The following ESX1 variants were observed in gnomAD, a reference collection of about 807,000 sequenced individuals.
The protein encoded by ESX1 is ESX homeobox 1.
ESX1 carries 2 observed loss-of-function variants against 13.2 expected under a neutral mutation model. The observed-to-expected ratio is 0.15, with a 90% CI of 0.06 to 0.48. The LOEUF (loss-of-function observed/expected upper bound fraction) is 0.48, where lower values mean the gene tolerates loss of function less well. Among genes scored for constraint, ESX1 ranks in the 20% least tolerant of loss-of-function variants. The pLI is 0.97. For missense variants in ESX1, 307 were observed against 379.0 expected (o/e 0.81, Z 1.58); for synonymous variants, 157 against 163.1 (o/e 0.96, Z 0.29).
At chrX:104,254,072 G>T in intron 2 of ESX1, 82 bp downstream of exon 2, 2 of 1,097,167 alleles carry the variant, frequency 1.8e-6, no homozygotes, top group South Asian at 4.4e-5. Context: ...CGGAGGCAGC[G>T]CCCGTGAGCC....
rs370262145 is a variant in ESX1 at position 104,252,827 on chromosome X, C to G, written c.508G>C (p.Glu170Gln). ...AAATTCAGGCGTGCTGCAAGTCTCTCTCTTAGGGGAGAAAATTACAAATAT... is the reference window on the plus strand; with the variant it reads ...AAATTCAGGCGTGCTGCAAGTCTCTGTCTTAGGGGAGAAAATTACAAATAT... The part of the protein sequence containing the change: ...ESQYPDVVAR[E>Q]RLAARLNLTE... The change falls in exon 3 of 4, where the codon GAG (glutamate) becomes CAG (glutamine). Residue 170 changes from glutamate (E) to glutamine (Q), a missense_variant and splice_region_variant. Transcript: ENST00000372588. The G allele has an allele frequency of 1.2e-5, 15 of 1,204,599 alleles. No individual in the cohort carries two copies. Among genetic ancestry groups the G allele is most frequent in the African/African-American group, 1.8e-5 (1 of 57,092 alleles).
At chrX:104,250,960 CAT>C (rs1380148974) in intron 3 of ESX1, 64 bp from the exon 4 acceptor site, 17 of 979,749 alleles carry the variant, frequency 1.7e-5, no homozygotes, top group Non-Finnish European at 2.4e-5. Flanking sequence ...TAGAAAAAAA[CAT>C]AACATGGAAT....
intron 2 of ESX1, 41 bp downstream of exon 2, chrX:104,254,113 G>A: frequency 2.6e-6 from 3 of 1,164,820 alleles, no homozygotes; most frequent in South Asian, 2.0e-5. Flanking sequence ...CGGTGAAAGG[G>A]TCCCGGGATG....
In ESX1 at chrX:104,250,618, T is replaced by C. The variant is rs782668187; in HGVS notation, c.831A>G (p.Pro277=). 1.7e-6 allele frequency: 2 copies of C among 1,203,639 alleles called. No homozygotes were observed. Among genetic ancestry groups the C allele is most frequent in the Admixed American group, 2.2e-5 (1 of 45,664 alleles). Reference sequence around the variant, plus strand: ...GCACAGGCGCCATGCGTGAGCCGGGTGGCACAGGCGCCATGGGTGGCATAG... The same window carrying C: ...GCACAGGCGCCATGCGTGAGCCGGGCGGCACAGGCGCCATGGGTGGCATAG... ...IAPMPPMAPV[P]PGSRMAPVPP... Residue 277 remains proline, a synonymous_variant, in exon 4 of 4, where the codon CCA becomes CCG. Transcript: ENST00000372588.
intron 2 of ESX1, among the ~76,000 whole-genome samples, chrX:104,253,683 T>A (rs927394372): frequency 1.8e-5 from 2 of 110,305 alleles, no homozygotes; most frequent in African/African-American, 6.6e-5. Context: ...CTTCGTACAC[T>A]ACGGGTCGGT....
Position 104,254,389 on chromosome X carries a change from G to A in ESX1, c.271C>T (p.Leu91=), listed in dbSNP as rs782053177. ...TCCTGCTGTTGCTCCGGCTTGGTCA[G>A]GGGCGGCTCCTCCTGCTGTTGCTCC... is the stretch of plus-strand genomic sequence containing the variant. ...EPEQQQEEPP[L]TKPEQQQEEP... The change falls in exon 2 of 4, where the codon CTG becomes TTG. Residue 91 remains leucine, a synonymous_variant. Transcript: ENST00000372588. 1.7e-6 allele frequency: 2 copies of A among 1,211,633 alleles called. No individual in the cohort carries two copies.
chrX:104,252,977 T>G (rs782218141), intron 2 of ESX1, 149 bp from the exon 3 acceptor site: 1 of 459,106 alleles, frequency 2.2e-6, no homozygotes, highest in African/African-American at 2.5e-5. Flanking sequence ...GGTGAAACCC[T>G]GTCTCTACTA....
At chrX:104,254,680 C>T in intron 1 of ESX1, 88 bp downstream of exon 1, 2 of 1,140,102 alleles carry the variant, frequency 1.8e-6, no homozygotes, top group Non-Finnish European at 2.4e-6. Flanking sequence ...CTGCGACAGC[C>T]GCGCAGCGTC....
Position 104,254,271 on chromosome X carries a change from G to A in ESX1, c.389C>T (p.Ala130Val), listed in dbSNP as rs782465017. Residue 130 changes from alanine (A) to valine (V), a missense_variant, in exon 2 of 4, where the codon GCT becomes GTT. By Grantham distance (64) the Ala-to-Val change is moderately conservative (BLOSUM62 0). This residue lies in a region of ESX1 where 152 missense variants were observed against 114.5 expected (regional missense o/e 1.33). Coordinates refer to ENST00000372588, the MANE Select transcript of ESX1 (RefSeq NM_153448.4). Reference protein sequence around the residue: ...GPQPAEGPQTAEGPQPPERKR... With the variant: ...GPQPAEGPQTVEGPQPPERKR... ...CCTCTCTGGGGGCTGTGGTCCCTCAGCGGTTTGTGGCCCCTCCGCCGGCTG... is the reference window on the plus strand; with the variant it reads ...CCTCTCTGGGGGCTGTGGTCCCTCAACGGTTTGTGGCCCCTCCGCCGGCTG... 8.3e-7 allele frequency: 1 copy of A among 1,212,099 alleles called. No homozygotes were observed. The highest frequency in any genetic ancestry group is 1.1e-6 in the Non-Finnish European group (1 of 895,560).
intron 1 of ESX1, 60 bp downstream of exon 1, chrX:104,254,708 C>T: frequency 4.3e-6 from 5 of 1,162,528 alleles, no homozygotes; most frequent in Non-Finnish European, 5.9e-6. Context: ...CTTGCCTCTC[C>T]CAGGGAAAAA....
intron 2 of ESX1, among the ~76,000 whole-genome samples, 178 bp downstream of exon 2, chrX:104,253,975 AC>A (rs1186156678): frequency 8.9e-6 from 1 of 111,866 alleles, no homozygotes; most frequent in African/African-American, 3.2e-5. Context: ...GCGGGATCCC[AC>A]CCTGCCTCAC....
At position 104,254,291 on chromosome X, in the gene ESX1, C is replaced by T. The variant is rs781900026; in HGVS notation, c.369G>A (p.Pro123=). The change falls in exon 2 of 4, where the codon CCG becomes CCA. Residue 123 remains proline, a synonymous_variant. Transcript: ENST00000372588. ...PPQTTVEGPQ[P]AEGPQTAEGP... ...CCTCAGCGGTTTGTGGCCCCTCCGC[C>T]GGCTGTGGCCCCTCCACGGTCGTCT... The T allele has an allele frequency of 1.5e-5, 18 of 1,211,821 alleles. 1 individual carries two copies. In the East Asian group the frequency reaches 5.3e-4, roughly 36 times the overall value.
At chrX:104,254,710 A>G in intron 1 of ESX1, 58 bp downstream of exon 1, 1 of 1,159,828 alleles carries the variant, frequency 8.6e-7, no homozygotes, top group Non-Finnish European at 1.2e-6. Flanking sequence ...TGCCTCTCCC[A>G]GGGAAAAATT....
intron 2 of ESX1, among the ~76,000 whole-genome samples, chrX:104,253,845 T>C (rs1444118146): frequency 8.9e-6 from 1 of 112,787 alleles, no homozygotes; most frequent in African/African-American, 3.2e-5. Context: ...GCGCACAATG[T>C]AAATGGCGCT....
At chrX:104,251,207 T>C (rs1923177589) in intron 3 of ESX1, among the ~76,000 whole-genome samples, 2 of 112,067 alleles carry the variant, frequency 1.8e-5, no homozygotes. Context: ...GGAGTGTCTA[T>C]TAAAAGTGTC....
intron 3 of ESX1, among the ~76,000 whole-genome samples, chrX:104,251,385 T>G (rs1234471529): frequency 2.7e-5 from 3 of 111,939 alleles, no homozygotes; most frequent in Non-Finnish European, 5.6e-5. Context: ...TCTTTTCCTC[T>G]GAGTTTACCT....
chrX:104,250,676 A>G lies in ESX1; in HGVS notation c.773T>C (p.Met258Thr). 1 of 1,209,922 alleles carries G rather than the reference A, an allele frequency of 8.3e-7. No homozygotes were observed. The highest frequency in any genetic ancestry group is 3.0e-5 in the East Asian group (1 of 33,725). The change falls in exon 4 of 4, where the codon ATG (methionine) becomes ACG (threonine). Residue 258 changes from methionine (M) to threonine (T), a missense_variant. Met to Thr is a moderately conservative substitution (Grantham distance 81, BLOSUM62 -1). Coordinates refer to ENST00000372588, the MANE Select transcript of ESX1 (RefSeq NM_153448.4). ...GGGTGGCCTGGGTGGCATAGGGACCATGGGTGGCCTGGGTGGCATAGGTGG... is the reference window on the plus strand; with the variant it reads ...GGGTGGCCTGGGTGGCATAGGGACCGTGGGTGGCCTGGGTGGCATAGGTGG... ...PVPPMPPRPP[M>T]VPMPPRPPIA...
chrX:104,253,583 A>C (rs1453527476), intron 2 of ESX1, among the ~76,000 whole-genome samples: 1 of 111,337 alleles, frequency 9.0e-6, no homozygotes, highest in Non-Finnish European at 1.9e-5. Flanking sequence ...GGCTAAGTAC[A>C]ACGAAGCCAG....
rs1294417011 is a variant in ESX1 at position 104,250,509 on chromosome X, T to TGGCACAGGCGCCATGGGCGGCCAGGG, written c.939_940insCCCTGGCCGCCCATGGCGCCTGTGCC (p.Thr314ProfsTer108). 3.3e-6 allele frequency: 3 copies of TGGCACAGGCGCCATGGGCGGCCAGGG among 908,436 alleles called. No homozygotes were observed. Among genetic ancestry groups the TGGCACAGGCGCCATGGGCGGCCAGGG allele is most frequent in the African/African-American group, 3.7e-5 (1 of 27,121 alleles). 74.9% of individuals were successfully genotyped at this position (908,436 alleles called of 1,213,427 possible). A position where few individuals can be genotyped will look rare whatever the true frequency, so the allele number is the denominator to read the frequency against. On this transcript the variant is annotated frameshift_variant, in exon 4 of 4. Transcript: ENST00000372588. LOFTEE classifies it low-confidence loss of function (END_TRUNC). ...GGCACAGGCGCCATGGGCGGCCCGGTTGGCACAGGCGCCATGGGCGGCCAG... is the reference window on the plus strand; with the variant it reads ...GGCACAGGCGCCATGGGCGGCCCGGTGGCACAGGCGCCATGGGCGGCCAGGGTGGCACAGGCGCCATGGGCGGCCAG...
Sources: allele counts gnomAD v4.1 joint callset (sites outside exome capture counted in the v4.1 genomes callset), GRCh38; gene constraint gnomAD v4.1.1; regional missense constraint gnomAD v4.1.1; transcripts MANE v1.5; gene names NCBI Gene and HGNC (gene_info 2026-07-23, HGNC 2026-07-21).